Variants in TMEM217B observed in about 807,000 individuals in gnomAD.
TMEM217B encodes the protein putative transmembrane protein 217B.
the TMEM217B span, among the ~76,000 whole-genome samples, chr6:37,224,385 T>A: frequency 6.7e-6 from 1 of 148,944 alleles, no homozygotes. Flanking sequence ...GATCATGAGG[T>A]CAGGAGATCG....
chr6:37,212,852 T>C, the TMEM217B span: 1 of 1,284,038 alleles, frequency 7.8e-7, no homozygotes, highest in Non-Finnish European at 1.1e-6. Flanking sequence ...TCCACGTAGA[T>C]GCTGAACTTG....
chr6:37,229,345 T>TTTTTG, the TMEM217B span, among the ~76,000 whole-genome samples: 1 of 128,698 alleles, frequency 7.8e-6, no homozygotes, highest in African/African-American at 3.1e-5. Flanking sequence ...GTTTTTTTTT[T>TTTTTG]TTTTTTTTTT....
the TMEM217B span, among the ~76,000 whole-genome samples, chr6:37,236,880 C>T: frequency 2.0e-5 from 3 of 152,172 alleles, no homozygotes; most frequent in Non-Finnish European, 4.4e-5. Context: ...AGAAGACTCA[C>T]TCAGATGCCT....
the TMEM217B span, among the ~76,000 whole-genome samples, chr6:37,250,728 T>C: frequency 6.6e-6 from 1 of 152,170 alleles, no homozygotes; most frequent in Non-Finnish European, 1.5e-5. Context: ...TATGTATGTG[T>C]AAGTGTAAAA....
chr6:37,218,653 G>T, the TMEM217B span: 63 of 1,614,048 alleles, frequency 3.9e-5, no homozygotes, highest in Non-Finnish European at 5.0e-5. Context: ...ACCAGCGCAT[G>T]ATTCTGACCT....
chr6:37,254,534 G>A, the TMEM217B span, among the ~76,000 whole-genome samples: 2 of 152,296 alleles, frequency 1.3e-5, no homozygotes, highest in Admixed American at 6.5e-5. Context: ...TTCAACCAAG[G>A]ATGTAGGCAA....
At chr6:37,249,205 T>C in the TMEM217B span, among the ~76,000 whole-genome samples, 8 of 152,224 alleles carry the variant, frequency 5.3e-5, no homozygotes, top group Non-Finnish European at 1.0e-4. Flanking sequence ...ACAAATATTT[T>C]TGGGGGCCAC....
chr6:37,246,049 G>A, the TMEM217B span, among the ~76,000 whole-genome samples: 1 of 152,096 alleles, frequency 6.6e-6, no homozygotes, highest in Non-Finnish European at 1.5e-5. Flanking sequence ...TGATCCACCT[G>A]CCTCGGCCTC....
chr6:37,222,520 C>G, the TMEM217B span, among the ~76,000 whole-genome samples: 3 of 152,172 alleles, frequency 2.0e-5, no homozygotes, highest in African/African-American at 7.2e-5. Context: ...CCCGCTAACT[C>G]GAAAGGGGCG....
At chr6:37,242,245 T>C in the TMEM217B span, among the ~76,000 whole-genome samples, 1 of 152,152 alleles carries the variant, frequency 6.6e-6, no homozygotes, top group East Asian at 1.9e-4. Context: ...CATCAAACAT[T>C]CTGCCACTCT....
chr6:37,246,665 G>A, the TMEM217B span, among the ~76,000 whole-genome samples: 1 of 152,184 alleles, frequency 6.6e-6, no homozygotes, highest in African/African-American at 2.4e-5. Context: ...CACTTTGGGA[G>A]GCTGAGGCGG....
chr6:37,257,289 A>C, the TMEM217B span, among the ~76,000 whole-genome samples: 1 of 152,226 alleles, frequency 6.6e-6, no homozygotes, highest in South Asian at 2.1e-4. Flanking sequence ...TTGAACAGTT[A>C]GCAATCCCGG....
the TMEM217B span, among the ~76,000 whole-genome samples, chr6:37,239,017 C>T: frequency 3.9e-5 from 6 of 152,128 alleles, no homozygotes; most frequent in Admixed American, 1.3e-4. Context: ...GTAATCCCAG[C>T]TACTAGGGAG....
the TMEM217B span, among the ~76,000 whole-genome samples, chr6:37,232,001 A>G: frequency 6.6e-6 from 1 of 152,098 alleles, no homozygotes; most frequent in Non-Finnish European, 1.5e-5. Context: ...TCAAGCTTGC[A>G]TGAATCGAAT....
At chr6:37,218,321 G>T in the TMEM217B span, 6 of 1,148,208 alleles carry the variant, frequency 5.2e-6, no homozygotes, top group South Asian at 4.8e-5. Flanking sequence ...GGTGTGTGCC[G>T]CCACGCCTGG....
the TMEM217B span, among the ~76,000 whole-genome samples, chr6:37,220,663 C>A: frequency 6.6e-6 from 1 of 151,910 alleles, no homozygotes; most frequent in African/African-American, 2.4e-5. Context: ...CTGGCAGAAG[C>A]AAATTCAAAT....
At chr6:37,222,768 G>A in the TMEM217B span, among the ~76,000 whole-genome samples, 1 of 152,218 alleles carries the variant, frequency 6.6e-6, no homozygotes, top group Non-Finnish European at 1.5e-5. Flanking sequence ...CTACGGCTTT[G>A]GTTTGGGCGG....
At chr6:37,243,536 T>C in the TMEM217B span, among the ~76,000 whole-genome samples, 3 of 152,198 alleles carry the variant, frequency 2.0e-5, no homozygotes, top group African/African-American at 7.2e-5. Flanking sequence ...GCTGGCCATA[T>C]CATATGGGAT....
the TMEM217B span, among the ~76,000 whole-genome samples, chr6:37,229,419 T>C: frequency 2.1e-5 from 3 of 140,590 alleles, no homozygotes; most frequent in African/African-American, 7.9e-5. Context: ...CTCGGCTCAC[T>C]GCAAGCTCCG....
Sources: gnomAD v4.1 joint callset for allele counts (sites outside exome capture counted in the v4.1 genomes callset) on GRCh38, gnomAD v4.1.1 for gene constraint, MANE v1.5 for transcripts, NCBI Gene and HGNC (gene_info 2026-07-23, HGNC 2026-07-21) for gene names.